The following CHST11 variants were observed in gnomAD, a reference collection of about 807,000 sequenced individuals.
The protein encoded by CHST11 is C4S-1.
In CHST11, 9 loss-of-function variants were observed where a neutral mutation model predicts 30.4. That is an observed-to-expected ratio of 0.30 (90% confidence interval 0.18 to 0.52). The LOEUF (loss-of-function observed/expected upper bound fraction) is 0.52, where lower values mean the gene tolerates loss of function less well. Ranked by LOEUF, CHST11 falls within the 20% of genes least tolerant of loss-of-function variation. The probability of loss-of-function intolerance (pLI) is 0.97; values close to 1 mark genes in which losing one functional copy is unlikely to be tolerated. For missense variants in CHST11, 348 were observed against 460.6 expected (o/e 0.76, Z 2.24); for synonymous variants, 152 against 187.8 (o/e 0.81, Z 1.56).
chr12:104,709,619 G>A (rs2040067906), intron 2 of CHST11, among the ~76,000 whole-genome samples: 2 of 152,176 alleles, frequency 1.3e-5, no homozygotes, highest in South Asian at 4.1e-4. Flanking sequence ...AGACTAGGAA[G>A]CTGCAGAGTT....
At chr12:104,753,807 G>A (rs1342008888) in intron 2 of CHST11, among the ~76,000 whole-genome samples, 1 of 152,162 alleles carries the variant, frequency 6.6e-6, no homozygotes, top group Non-Finnish European at 1.5e-5. Flanking sequence ...AGAGAGGGAG[G>A]AAAGGAAGAA....
At chr12:104,719,194 C>T (rs2136125247) in intron 2 of CHST11, among the ~76,000 whole-genome samples, 1 of 152,318 alleles carries the variant, frequency 6.6e-6, no homozygotes, top group African/African-American at 2.4e-5. Flanking sequence ...GTACTGTCTT[C>T]TAGGCTGACA....
chr12:104,619,815 T>A (rs1398003349), intron 2 of CHST11, among the ~76,000 whole-genome samples: 1 of 152,220 alleles, frequency 6.6e-6, no homozygotes, highest in Non-Finnish European at 1.5e-5. Flanking sequence ...TTAAATTAAC[T>A]CATGCTAAGC....
intron 1 of CHST11, among the ~76,000 whole-genome samples, chr12:104,548,209 T>C (rs1288169893): frequency 6.6e-6 from 1 of 152,190 alleles, no homozygotes; most frequent in African/African-American, 2.4e-5. Context: ...CAGTAGGTGG[T>C]GCTTAGTGGT....
chr12:104,647,392 T>C (rs2039444567), intron 2 of CHST11, among the ~76,000 whole-genome samples: 1 of 152,236 alleles, frequency 6.6e-6, no homozygotes, highest in African/African-American at 2.4e-5. Context: ...TTTTTAGCTA[T>C]ATTTTTTTCA....
chr12:104,489,541 C>T (rs185111867), intron 1 of CHST11, among the ~76,000 whole-genome samples: 14 of 150,726 alleles, frequency 9.3e-5, no homozygotes, highest in East Asian at 2.0e-4. Context: ...TGCAGTGGCA[C>T]GATCTTGGCT....
At position 104,478,513 on chromosome 12, in the gene CHST11, G is replaced by A. The variant is rs140440549; in HGVS notation, c.118+20984G>A. Among the ~76,000 whole-genome samples, 22 of 152,246 alleles carry A rather than the reference G, an allele frequency of 1.4e-4. No homozygotes were observed. In the East Asian group the frequency reaches 4.3e-3, roughly 29 times the overall value. On this transcript the variant is annotated intron_variant, in intron 1 of 2. Transcript: ENST00000303694. Reference sequence around the variant, plus strand: ...CCTGACTTCCCAGCAGCAGAGTGCCGAGATGGAAGCGGATGAGGGGAAGTG... The same window carrying A: ...CCTGACTTCCCAGCAGCAGAGTGCCAAGATGGAAGCGGATGAGGGGAAGTG...
At chr12:104,704,846 G>A (rs995327691) in intron 2 of CHST11, among the ~76,000 whole-genome samples, 5 of 152,046 alleles carry the variant, frequency 3.3e-5, no homozygotes, top group Admixed American at 6.5e-5. Context: ...GTCACATCCC[G>A]CATCATCCGG....
chr12:104,697,116 A>G (rs2039954040), intron 2 of CHST11, among the ~76,000 whole-genome samples: 1 of 152,228 alleles, frequency 6.6e-6, no homozygotes, highest in African/African-American at 2.4e-5. Flanking sequence ...CACAAGTATA[A>G]GTGTGTCCCT....
intron 1 of CHST11, among the ~76,000 whole-genome samples, chr12:104,526,552 C>T (rs1366872439): frequency 6.6e-6 from 1 of 152,144 alleles, no homozygotes; most frequent in African/African-American, 2.4e-5. Flanking sequence ...AATGGGCTTC[C>T]TGCTGGGGCT....
chr12:104,502,850 A>T (rs1296832480), intron 1 of CHST11, among the ~76,000 whole-genome samples: 1 of 152,236 alleles, frequency 6.6e-6, no homozygotes, highest in Non-Finnish European at 1.5e-5. Context: ...CCTTCTACTG[A>T]GTCAGCAAGA....
intron 2 of CHST11, among the ~76,000 whole-genome samples, chr12:104,614,641 G>A (rs1356930431): frequency 2.0e-5 from 3 of 152,106 alleles, no homozygotes; most frequent in Admixed American, 2.0e-4. Flanking sequence ...GTATGTGTGT[G>A]TGTGCATGTG....
chr12:104,610,352 C>T (rs2136052858), intron 2 of CHST11, among the ~76,000 whole-genome samples: 1 of 152,292 alleles, frequency 6.6e-6, no homozygotes, highest in South Asian at 2.1e-4. Flanking sequence ...ACAGAGGTTT[C>T]AGGATCAAGC....
chr12:104,517,057 T>G (rs932249378), intron 1 of CHST11, among the ~76,000 whole-genome samples: 2 of 152,160 alleles, frequency 1.3e-5, no homozygotes, highest in Non-Finnish European at 2.9e-5. Context: ...CTCTCCATCA[T>G]AGCTGTTACT....
At chr12:104,696,329 C>T (rs903906343) in intron 2 of CHST11, among the ~76,000 whole-genome samples, 1 of 151,894 alleles carries the variant, frequency 6.6e-6, no homozygotes, top group African/African-American at 2.4e-5. Context: ...TATAGATCTG[C>T]CTATATAATA....
chr12:104,485,197 A>G (rs974791444), intron 1 of CHST11, among the ~76,000 whole-genome samples: 5 of 152,138 alleles, frequency 3.3e-5, no homozygotes, highest in African/African-American at 1.2e-4. Flanking sequence ...GGGCCTGGGA[A>G]TCTATTTAAC....
intron 1 of CHST11, among the ~76,000 whole-genome samples, chr12:104,569,267 T>G (rs1190220532): frequency 6.6e-6 from 1 of 152,212 alleles, no homozygotes; most frequent in Non-Finnish European, 1.5e-5. Context: ...AGAACCCTCC[T>G]GGAGTTACCG....
intron 2 of CHST11, among the ~76,000 whole-genome samples, chr12:104,728,162 T>A (rs1201982962): frequency 6.6e-6 from 1 of 152,216 alleles, no homozygotes; most frequent in Non-Finnish European, 1.5e-5. Context: ...GCGGCTTTAA[T>A]TGGGTAAGTG....
intron 2 of CHST11, among the ~76,000 whole-genome samples, chr12:104,735,626 G>A (rs312169): frequency 0.48 from 72,379 of 151,978 alleles, 17,489 homozygotes; most frequent in South Asian, 0.61. Context: ...CTTGGGGGCA[G>A]GGGACTTGCT....
Sources: gnomAD v4.1 joint callset for allele counts (sites outside exome capture counted in the v4.1 genomes callset) on GRCh38, gnomAD v4.1.1 for gene constraint, MANE v1.5 for transcripts, NCBI Gene and HGNC (gene_info 2026-07-23, HGNC 2026-07-21) for gene names.